The following DIAPH3 variants were observed in gnomAD, a reference collection of about 807,000 sequenced individuals.
DIAPH3 encodes the protein protein diaphanous homolog 3.
Under a neutral mutation model 144.3 loss-of-function variants are expected in DIAPH3, and 117 were observed. The observed-to-expected ratio is 0.81, with a 90% CI of 0.70 to 0.95. The LOEUF (loss-of-function observed/expected upper bound fraction) is 0.95. DIAPH3 is among the 40% of genes least tolerant of loss of function. The pLI is 0.00. For synonymous variants in DIAPH3, 519 were observed against 488.9 expected, an observed-to-expected ratio of 1.06 and a Z score of -0.81; for missense variants, 1,421 against 1,412.7, an observed-to-expected ratio of 1.01 and a Z score of -0.09.
intron 27 of DIAPH3, among the ~76,000 whole-genome samples, chr13:59,675,934 G>A (rs1224349166): frequency 6.6e-6 from 1 of 152,114 alleles, no homozygotes; most frequent in Non-Finnish European, 1.5e-5. Context: ...AAACTAACTA[G>A]CTAACTATTT....
At chr13:60,081,168 G>C (rs926075284) in intron 4 of DIAPH3, among the ~76,000 whole-genome samples, 3 of 151,886 alleles carry the variant, frequency 2.0e-5, no homozygotes, top group African/African-American at 7.3e-5. Flanking sequence ...TAGTACTGAA[G>C]GGCAGTCTGA....
chr13:60,104,284 T>C (rs893145853), intron 3 of DIAPH3, among the ~76,000 whole-genome samples: 5 of 152,292 alleles, frequency 3.3e-5, no homozygotes, highest in Non-Finnish European at 5.9e-5. Flanking sequence ...AGAAATATGA[T>C]TATTTAAAAG....
rs546732148 is a variant in DIAPH3, at chr13:60,149,710, A to AG, written c.180+13876_180+13877insC. On this transcript the variant is annotated intron_variant, in intron 1 of 27. Coordinates refer to ENST00000400324, the MANE Select transcript of DIAPH3 (RefSeq NM_001042517.2). The stretch of plus-strand genomic sequence containing the variant: ...GAAGGCTGCAGTGAGCCATGATTGT[A>AG]CCACTGCACGCCAGCCTGGGTGACA... Among the ~76,000 whole-genome samples, 1,405 of 145,124 alleles carry AG rather than the reference A, an allele frequency of 9.7e-3. 14 individuals are homozygous for AG. The highest frequency in any genetic ancestry group is 0.019 in the South Asian group (84 of 4,432).
At chr13:59,684,826 T>G (rs181769109) in intron 27 of DIAPH3, among the ~76,000 whole-genome samples, 23 of 152,316 alleles carry the variant, frequency 1.5e-4, no homozygotes, top group Non-Finnish European at 1.0e-4. Context: ...GTAATCTATC[T>G]CATCAGCAAA....
At chr13:59,669,290 A>G (rs2066193) in intron 27 of DIAPH3, among the ~76,000 whole-genome samples, 92,750 of 151,980 alleles carry the variant, frequency 0.61, 28,616 homozygotes, top group East Asian at 0.7. Flanking sequence ...TATGAACTTC[A>G]AAAGCATGAC....
chr13:59,983,968 G>C, intron 12 of DIAPH3, 81 bp from the exon 13 acceptor site: 1 of 876,926 alleles, frequency 1.1e-6, no homozygotes, highest in Non-Finnish European at 1.9e-6. Flanking sequence ...GGCTAAGATT[G>C]ATTTCAAGTT....
chr13:60,083,176 G>C (rs2057621503), intron 4 of DIAPH3, among the ~76,000 whole-genome samples: 1 of 151,726 alleles, frequency 6.6e-6, no homozygotes, highest in Non-Finnish European at 1.5e-5. Context: ...GCCAAAGATG[G>C]GACAATTTGA....
chr13:59,837,511 T>C (rs1017107137), intron 23 of DIAPH3, among the ~76,000 whole-genome samples: 1 of 152,052 alleles, frequency 6.6e-6, no homozygotes, highest in African/African-American at 2.4e-5. Context: ...CACAGTGTAC[T>C]ACCAGAAGCT....
chr13:59,753,060 C>T lies in DIAPH3; in HGVS notation c.3319+21129G>A, dbSNP rs576603951. On this transcript the variant is annotated intron_variant, in intron 27 of 27. Transcript: ENST00000400324. ...TGGCAGAAATGATTCTGCTTTCCAG[C>T]TTTTTAAATACTATCTGGATAGCTC... 2.0e-5 allele frequency among the ~76,000 whole-genome samples: 3 copies of T among 152,252 alleles called. No individual in the cohort carries two copies. In the East Asian group the frequency reaches 5.8e-4, roughly 29 times the overall value.
chr13:59,817,204 T>C (rs1429972909), intron 24 of DIAPH3, among the ~76,000 whole-genome samples: 1 of 151,938 alleles, frequency 6.6e-6, no homozygotes, highest in African/African-American at 2.4e-5. Context: ...TTGAATTCTA[T>C]ATACACTAAT....
At chr13:59,989,669 T>TGGAG (rs1284689523) in intron 12 of DIAPH3, among the ~76,000 whole-genome samples, 2 of 151,952 alleles carry the variant, frequency 1.3e-5, no homozygotes, top group African/African-American at 4.8e-5. Flanking sequence ...AATTTAATCT[T>TGGAG]TCTCCAAGAC....
chr13:59,789,268 A>AATT (rs1324941811), intron 25 of DIAPH3, among the ~76,000 whole-genome samples: 1 of 152,190 alleles, frequency 6.6e-6, no homozygotes, highest in East Asian at 1.9e-4. Context: ...GGAAAAGGTT[A>AATT]ATTACATGGC....
intron 18 of DIAPH3, 128 bp downstream of exon 18, chr13:59,924,647 G>A (rs1373192466): frequency 7.2e-7 from 1 of 1,396,854 alleles, no homozygotes; most frequent in Non-Finnish European, 9.5e-7. Flanking sequence ...AGAGTTATCT[G>A]TGAATTTATC....
Position 60,115,827 on chromosome 13 carries a change from CA to C in DIAPH3, c.214-3642del, listed in dbSNP as rs762182186. On this transcript the variant is annotated intron_variant, in intron 2 of 27. Transcript: ENST00000400324. ...GTTTTTTCAAATTATTGCAAATCTA[CA>C]AAAATCTCCAATATATTTCTTTGAA... 2.6e-4 allele frequency among the ~76,000 whole-genome samples: 39 copies of C among 151,996 alleles called. 1 individual carries two copies. Among genetic ancestry groups the C allele is most frequent in the Middle Eastern group, 3.4e-3 (1 of 294 alleles).
intron 4 of DIAPH3, among the ~76,000 whole-genome samples, chr13:60,055,007 G>A (rs550111612): frequency 4.6e-5 from 7 of 151,760 alleles, no homozygotes; most frequent in Admixed American, 3.9e-4. Flanking sequence ...GTTTAGCAAG[G>A]GATTCCCTTA....
chr13:59,674,318 T>G (rs1301512154), intron 27 of DIAPH3, among the ~76,000 whole-genome samples: 1 of 152,198 alleles, frequency 6.6e-6, no homozygotes, highest in African/African-American at 2.4e-5. Context: ...TTTAGTATAT[T>G]TACCTTGTTT....
intron 17 of DIAPH3, among the ~76,000 whole-genome samples, chr13:59,932,242 C>T (rs966846182): frequency 6.6e-6 from 1 of 152,036 alleles, no homozygotes; most frequent in Admixed American, 6.6e-5. Flanking sequence ...TGAAACATTT[C>T]GTAGTCTACC....
At chr13:60,126,852 TG>T in intron 2 of DIAPH3, among the ~76,000 whole-genome samples, 1 of 152,072 alleles carries the variant, frequency 6.6e-6, no homozygotes, top group Non-Finnish European at 1.5e-5. Context: ...AATAAAATTT[TG>T]TGGGATGCAG....
intron 21 of DIAPH3, among the ~76,000 whole-genome samples, chr13:59,877,444 T>A (rs563285170): frequency 6.6e-6 from 1 of 152,144 alleles, no homozygotes; most frequent in African/African-American, 2.4e-5. Flanking sequence ...AATAACTTTA[T>A]GCAATGATGG....
Sources: allele counts gnomAD v4.1 joint callset (sites outside exome capture counted in the v4.1 genomes callset), GRCh38; gene constraint gnomAD v4.1.1; transcripts MANE v1.5; gene names NCBI Gene and HGNC (gene_info 2026-07-23, HGNC 2026-07-21).